The following PLD5 variants were observed in gnomAD, a reference collection of about 807,000 sequenced individuals.
PLD5 encodes phospholipase D family member 5.
In PLD5, 36 loss-of-function variants were observed where a neutral mutation model predicts 61.1. That is an observed-to-expected ratio of 0.59 (90% CI 0.45 to 0.78). The LOEUF (loss-of-function observed/expected upper bound fraction) is 0.78. Ranked by LOEUF, PLD5 falls within the 30% of genes least tolerant of loss-of-function variation. PLD5 has a pLI of 0.00. For missense variants in PLD5, 515 were observed against 644.4 expected (o/e 0.80, Z 2.17); for synonymous variants, 243 against 242.8 (o/e 1.00, Z -0.01).
At chr1:242,287,950 A>G (rs1158868135) in intron 3 of PLD5, among the ~76,000 whole-genome samples, 1 of 152,238 alleles carries the variant, frequency 6.6e-6, no homozygotes, top group Non-Finnish European at 1.5e-5. Context: ...TATAACTTGA[A>G]AGGTGAATTA....
At chr1:242,162,096 T>C (rs1342789772) in intron 5 of PLD5, among the ~76,000 whole-genome samples, 3 of 152,154 alleles carry the variant, frequency 2.0e-5, no homozygotes, top group Non-Finnish European at 4.4e-5. Flanking sequence ...AGTCAAGAAG[T>C]TGACATTTAT....
In PLD5 at chr1:242,332,285, A is replaced by G. The variant is rs560216532; in HGVS notation, c.326+15821T>C. Among the ~76,000 whole-genome samples, 3 of 152,256 alleles carry G rather than the reference A, an allele frequency of 2.0e-5. No homozygotes were observed. The South Asian group carries it at 6.2e-4, about 32-fold the overall frequency. ...CCACATTTTCTTTATCCAGTCTATCACTGATGGGCATGTGGGTTGGTTCCG... is the reference window on the plus strand; with the variant it reads ...CCACATTTTCTTTATCCAGTCTATCGCTGATGGGCATGTGGGTTGGTTCCG... On this transcript the variant is annotated intron_variant, in intron 2 of 9. Coordinates refer to ENST00000536534, the MANE Select transcript of PLD5 (RefSeq NM_001372062.1).
chr1:242,128,332 T>C (rs922264382), intron 5 of PLD5, among the ~76,000 whole-genome samples: 1 of 148,006 alleles, frequency 6.8e-6, no homozygotes, highest in Non-Finnish European at 1.5e-5. Flanking sequence ...AAAAAAACCA[T>C]GCTATTTCCC....
At chr1:242,404,881 T>TC (rs1258300554) in intron 1 of PLD5, among the ~76,000 whole-genome samples, 1 of 128,968 alleles carries the variant, frequency 7.8e-6, no homozygotes, top group Non-Finnish European at 1.6e-5. Flanking sequence ...GCTAATTTTT[T>TC]TTTTTTTTTT....
chr1:242,390,514 G>A (rs572885824), intron 1 of PLD5, among the ~76,000 whole-genome samples: 3 of 152,160 alleles, frequency 2.0e-5, no homozygotes, highest in Admixed American at 6.5e-5. Flanking sequence ...GCAAAACCCC[G>A]AAAAGTACCA....
chr1:242,249,913 T>C (rs943991505), intron 4 of PLD5, among the ~76,000 whole-genome samples: 6 of 152,208 alleles, frequency 3.9e-5, no homozygotes, highest in Non-Finnish European at 7.3e-5. Flanking sequence ...TTAGCATTGA[T>C]ATACCATTCT....
chr1:242,238,914 T>C (rs1418455493), intron 4 of PLD5, among the ~76,000 whole-genome samples: 1 of 152,114 alleles, frequency 6.6e-6, no homozygotes, highest in African/African-American at 2.4e-5. Flanking sequence ...GTATCCTCTG[T>C]CTGGGTACTT....
intron 1 of PLD5, 151 bp downstream of exon 1, chr1:242,523,937 A>AGAG: frequency 1.2e-6 from 1 of 833,808 alleles, no homozygotes; most frequent in Non-Finnish European, 1.8e-6. Context: ...AACTGCAGGC[A>AGAG]GAGAAGCCCC....
chr1:242,089,282 A>G lies in PLD5; in HGVS notation c.*572T>C, dbSNP rs1363885575. On this transcript the variant is annotated 3_prime_UTR_variant, in exon 10 of 10. Transcript: ENST00000536534. ...TTTTGTGAGAAGAGAAAATGATACC[A>G]AATAAAACTTATGGTATAAGAAGAA... The G allele has an allele frequency of 2.5e-6, 1 of 399,148 alleles. No homozygotes were observed. The highest frequency in any genetic ancestry group is 4.4e-6 in the Non-Finnish European group (1 of 226,580). 24.7% of individuals were successfully genotyped at this position (399,148 alleles called of 1,614,324 possible).
At chr1:242,297,562 C>T (rs1350251360) in intron 2 of PLD5, among the ~76,000 whole-genome samples, 3 of 151,292 alleles carry the variant, frequency 2.0e-5, no homozygotes, top group Non-Finnish European at 4.4e-5. Context: ...TGCACCATCA[C>T]ATCCAGCTAA....
intron 1 of PLD5, among the ~76,000 whole-genome samples, chr1:242,481,907 C>G (rs1428038419): frequency 2.6e-5 from 4 of 152,184 alleles, no homozygotes; most frequent in Non-Finnish European, 5.9e-5. Context: ...TCACCAGTAT[C>G]CACTGTTCTG....
chr1:242,306,790 CA>C (rs1222137823), intron 2 of PLD5, among the ~76,000 whole-genome samples: 3 of 43,286 alleles, frequency 6.9e-5, no homozygotes, highest in Non-Finnish European at 1.4e-4. Context: ...CACACACACA[CA>C]CCCCACTTAC....
chr1:242,088,341 G>A lies in PLD5; in HGVS notation c.*1513C>T, dbSNP rs1469201472. ...TTTTCATCCACATTTGCAACAGGAAGCTGTGAATTTGTTTTCCTTTGTGGA... is the reference window on the plus strand; with the variant it reads ...TTTTCATCCACATTTGCAACAGGAAACTGTGAATTTGTTTTCCTTTGTGGA... On this transcript the variant is annotated 3_prime_UTR_variant, in exon 10 of 10. Coordinates refer to ENST00000536534, the MANE Select transcript of PLD5 (RefSeq NM_001372062.1). 1 of 152,214 alleles carries A rather than the reference G, an allele frequency of 6.6e-6. No homozygotes were observed. Among genetic ancestry groups the A allele is most frequent in the African/African-American group, 2.4e-5 (1 of 41,452 alleles). The allele number at this position is 152,214 out of a possible 1,614,324, so 9.4% of individuals were successfully genotyped here.
rs1255537672 is a variant in PLD5 at position 242,394,463 on chromosome 1, TGAAC to T, written c.190-46225_190-46222del. 4.4e-4 allele frequency among the ~76,000 whole-genome samples: 39 copies of T among 88,390 alleles called. 10 individuals are homozygous for T. Among genetic ancestry groups the T allele is most frequent in the African/African-American group, 1.5e-3 (30 of 19,726 alleles). The allele number at this position is 88,390 out of a possible 152,430, so 58.0% of individuals were successfully genotyped here. Reference sequence around the variant, plus strand: ...ATATGTGTGTATATGAGTATATATGTGAACATATATATGTGTATATATGTGAACA... The same window carrying T: ...ATATGTGTGTATATGAGTATATATGTATATATATGTGTATATATGTGAACA... On this transcript the variant is annotated intron_variant, in intron 1 of 9. Transcript: ENST00000536534.
intron 5 of PLD5, among the ~76,000 whole-genome samples, chr1:242,189,633 G>A (rs1668123569): frequency 6.6e-6 from 1 of 152,174 alleles, no homozygotes; most frequent in Non-Finnish European, 1.5e-5. Flanking sequence ...GGAAGAGAAA[G>A]ACAAGCGATA....
rs1050196843 is a variant in PLD5, at chr1:242,219,568, A to G, written c.735+420T>C. Among the ~76,000 whole-genome samples the G allele has an allele frequency of 2.6e-5, 4 of 152,244 alleles. 1 individual carries two copies. Among genetic ancestry groups the G allele is most frequent in the Admixed American group, 2.6e-4 (4 of 15,286 alleles). ...TATTTGAAGTTAATCATTTGTTAAG[A>G]GAAAGATAACATCTTCATCTTGAGA... On this transcript the variant is annotated intron_variant, in intron 5 of 9. Coordinates refer to ENST00000536534, the MANE Select transcript of PLD5 (RefSeq NM_001372062.1).
chr1:242,262,511 C>T (rs1673432867), intron 4 of PLD5, among the ~76,000 whole-genome samples: 2 of 152,144 alleles, frequency 1.3e-5, no homozygotes, highest in East Asian at 3.9e-4. Context: ...GTGATAATAA[C>T]CATGTGGTGG....
At chr1:242,293,679 T>A (rs1425893410) in intron 2 of PLD5, among the ~76,000 whole-genome samples, 1 of 152,182 alleles carries the variant, frequency 6.6e-6, no homozygotes, top group East Asian at 1.9e-4. Context: ...ATATAAACTA[T>A]GAATTTATAG....
intron 2 of PLD5, among the ~76,000 whole-genome samples, chr1:242,323,679 G>A (rs1379750404): frequency 6.6e-6 from 1 of 152,164 alleles, no homozygotes; most frequent in Non-Finnish European, 1.5e-5. Context: ...CTGCACACAA[G>A]CCTGTAATCT....
Sources: allele counts gnomAD v4.1 joint callset (sites outside exome capture counted in the v4.1 genomes callset), GRCh38; gene constraint gnomAD v4.1.1; transcripts MANE v1.5; gene names NCBI Gene and HGNC (gene_info 2026-07-23, HGNC 2026-07-21).